PPFIBP2: variants seen among roughly 807,000 people sequenced by gnomAD.
The protein encoded by PPFIBP2 is PPFIB scaffold protein 2, also known as liprin-beta-2.
A neutral mutation model predicts 118.3 loss-of-function variants in PPFIBP2; 118 were observed. The observed-to-expected ratio is 1.00, with a 90% CI of 0.86 to 1.16. PPFIBP2 has a LOEUF of 1.16. Ranked by LOEUF, PPFIBP2 falls within the 50% of genes most tolerant of loss-of-function variation. The pLI is 0.00. For missense variants in PPFIBP2, 1,195 were observed against 1,073.1 expected (o/e 1.11, Z -1.59); for synonymous variants, 414 against 397.4 (o/e 1.04, Z -0.50).
intron 22 of PPFIBP2, 50 bp downstream of exon 22, chr11:7,651,015 T>C: frequency 6.3e-7 from 1 of 1,576,810 alleles, no homozygotes; most frequent in Non-Finnish European, 8.7e-7. Flanking sequence ...AATGGGATAT[T>C]CAGAAACTTA....
chr11:7,653,889 G>C, downstream of PPFIBP2: 2 of 916,338 alleles, frequency 2.2e-6, no homozygotes, highest in Non-Finnish European at 2.8e-6. Flanking sequence ...GCATGCTCAG[G>C]ATTCACCAGG....
chr11:7,653,210 A>G lies in PPFIBP2; in HGVS notation c.2623A>G (p.Ile875Val), dbSNP rs376823924. The change falls in exon 24 of 24, where the codon ATT (isoleucine) becomes GTT (valine). Residue 875 changes from isoleucine (I) to valine (V), a missense_variant. Ile to Val is a conservative substitution (Grantham distance 29). Coordinates refer to ENST00000299492, the MANE Select transcript of PPFIBP2 (RefSeq NM_003621.5). The part of the protein sequence containing the change: ...ELDGLDQVGQ[I>V]S ...GGATGGGCTGGACCAGGTGGGACAG[A>G]TTAGCTGATGCCCTTGTCACCTGCC... 11 of 1,614,018 alleles carry G rather than the reference A, an allele frequency of 6.8e-6. No individual in the cohort carries two copies. The highest frequency in any genetic ancestry group is 9.3e-6 in the Non-Finnish European group (11 of 1,180,046).
At chr11:7,595,037 G>C (rs978397312) in intron 4 of PPFIBP2, among the ~76,000 whole-genome samples, 1 of 152,082 alleles carries the variant, frequency 6.6e-6, no homozygotes, top group East Asian at 1.9e-4. Flanking sequence ...GGATTGTGTA[G>C]TAAAAGGAAG....
chr11:7,598,684 A>G (rs537857768), intron 5 of PPFIBP2, among the ~76,000 whole-genome samples: 1 of 152,326 alleles, frequency 6.6e-6, no homozygotes, highest in South Asian at 2.1e-4. Flanking sequence ...GTTCCTTAAA[A>G]TGAGTGGATT....
chr11:7,546,958 CCTT>C (rs746256553), intron 1 of PPFIBP2, among the ~76,000 whole-genome samples: 66 of 152,322 alleles, frequency 4.3e-4, no homozygotes, highest in Non-Finnish European at 7.6e-4. Context: ...TTATCAGTAT[CCTT>C]CTAGGGCCTA....
chr11:7,646,994 C>T (rs549980201), intron 17 of PPFIBP2, among the ~76,000 whole-genome samples: 1 of 151,928 alleles, frequency 6.6e-6, no homozygotes, highest in Non-Finnish European at 1.5e-5. Context: ...AGTTCCAGGC[C>T]TCGTAAAATA....
At chr11:7,650,571 G>C (rs1853834005) in intron 21 of PPFIBP2, among the ~76,000 whole-genome samples, 1 of 152,204 alleles carries the variant, frequency 6.6e-6, no homozygotes, top group Admixed American at 6.5e-5. Context: ...TCATTTATTT[G>C]TCTCAAAGTT....
At chr11:7,655,538 A>C (rs746065934), downstream of PPFIBP2, 446 of 1,274,758 alleles carry the variant, frequency 3.5e-4, 6 homozygotes, top group South Asian at 2.1e-4. Context: ...GACTGGTGCC[A>C]GGGAGGCCCA....
chr11:7,545,751 G>T (rs1025924680), intron 1 of PPFIBP2, among the ~76,000 whole-genome samples: 4 of 152,128 alleles, frequency 2.6e-5, no homozygotes, highest in African/African-American at 9.7e-5. Context: ...GGCAACTTTT[G>T]TTATTCATAA....
intron 5 of PPFIBP2, 122 bp from the exon 6 acceptor site, chr11:7,610,169 C>T (rs923816875): frequency 8.1e-7 from 1 of 1,237,228 alleles, no homozygotes. Context: ...TCTCATGTAG[C>T]AGTCTCAATT....
intron 1 of PPFIBP2, among the ~76,000 whole-genome samples, chr11:7,516,879 G>A (rs1359816511): frequency 6.6e-6 from 1 of 152,144 alleles, no homozygotes; most frequent in African/African-American, 2.4e-5. Context: ...ATCTCTTCAA[G>A]CTTTCAGACC....
intron 2 of PPFIBP2, among the ~76,000 whole-genome samples, chr11:7,555,205 A>G (rs1853465522): frequency 1.3e-5 from 2 of 152,154 alleles, no homozygotes; most frequent in Non-Finnish European, 2.9e-5. Flanking sequence ...TGGTCAGGAC[A>G]CAGAAGGCCA....
chr11:7,539,027 G>A (rs1426203329), intron 1 of PPFIBP2, among the ~76,000 whole-genome samples: 2 of 152,154 alleles, frequency 1.3e-5, no homozygotes, highest in Non-Finnish European at 2.9e-5. Flanking sequence ...ATTAGATGGG[G>A]ACCAGTTAAG....
At chr11:7,623,867 C>T (rs988697004) in intron 7 of PPFIBP2, among the ~76,000 whole-genome samples, 6 of 152,168 alleles carry the variant, frequency 3.9e-5, no homozygotes, top group Admixed American at 6.5e-5. Context: ...CTTCAGAAGC[C>T]ATTGTCACCA....
downstream of PPFIBP2, among the ~76,000 whole-genome samples, chr11:7,660,423 G>A (rs555546071): frequency 7.1e-6 from 1 of 140,394 alleles, no homozygotes; most frequent in African/African-American, 2.5e-5. Context: ...TTTTGTCCTT[G>A]GCTCTGTTTA....
At chr11:7,546,752 C>A (rs7105989) in intron 1 of PPFIBP2, among the ~76,000 whole-genome samples, 8 of 152,170 alleles carry the variant, frequency 5.3e-5, no homozygotes. Context: ...CCTGGCTTTC[C>A]TGTGCACCAC....
At chr11:7,655,127 C>T (rs151219526), downstream of PPFIBP2, among the ~76,000 whole-genome samples, 1,372 of 152,304 alleles carry the variant, frequency 9.0e-3, 12 homozygotes, top group Non-Finnish European at 0.015. Flanking sequence ...ACATTGAACA[C>T]GTGCAGAAGG....
At chr11:7,624,928 C>T (rs1033533091) in intron 7 of PPFIBP2, among the ~76,000 whole-genome samples, 1 of 152,204 alleles carries the variant, frequency 6.6e-6, no homozygotes, top group African/African-American at 2.4e-5. Context: ...TTGTTTGACT[C>T]CAAAATCCAG....
intron 3 of PPFIBP2, 120 bp downstream of exon 3, chr11:7,565,887 C>G: frequency 8.8e-7 from 1 of 1,132,964 alleles, no homozygotes; most frequent in Non-Finnish European, 1.2e-6. Flanking sequence ...TTTCTTCCAT[C>G]CCACTTTGGC....
Sources: gnomAD v4.1 joint callset for allele counts (sites outside exome capture counted in the v4.1 genomes callset) on GRCh38, gnomAD v4.1.1 for gene constraint, MANE v1.5 for transcripts, NCBI Gene and HGNC (gene_info 2026-07-23, HGNC 2026-07-21) for gene names.